The following PPP2R5C variants were observed in gnomAD, a reference collection of about 807,000 sequenced individuals.
PPP2R5C encodes protein phosphatase 2 regulatory subunit B'gamma.
PPP2R5C carries 7 observed loss-of-function variants against 68.9 expected under a neutral mutation model. That is an observed-to-expected ratio of 0.10 (90% CI 0.06 to 0.19). The LOEUF is 0.19. Ranked by LOEUF, PPP2R5C falls within the 10% of genes least tolerant of loss-of-function variation. PPP2R5C has a pLI of 1.00. For missense variants in PPP2R5C, 348 were observed against 641.3 expected (o/e 0.54, Z 4.94); for synonymous variants, 210 against 222.2 (o/e 0.95, Z 0.49).
intron 2 of PPP2R5C, among the ~76,000 whole-genome samples, chr14:101,880,679 C>G (rs892183037): frequency 6.6e-6 from 1 of 151,996 alleles, no homozygotes; most frequent in Non-Finnish European, 1.5e-5. Context: ...TGCTGGTAGT[C>G]CCAGCTACTT....
intron 2 of PPP2R5C, among the ~76,000 whole-genome samples, chr14:101,785,259 C>T (rs2038038571): frequency 6.6e-6 from 1 of 152,098 alleles, no homozygotes; most frequent in African/African-American, 2.4e-5. Context: ...GATACTCAGC[C>T]GTATTCATCT....
In PPP2R5C at chr14:101,918,322, C is replaced by T. The variant is rs539491949; in HGVS notation, c.1443+375C>T. 3.4e-3 allele frequency among the ~76,000 whole-genome samples: 512 copies of T among 151,320 alleles called. 10 individuals carry two copies. Among genetic ancestry groups the T allele is most frequent in the Non-Finnish European group, 1.9e-3 (129 of 67,750 alleles). On this transcript the variant is annotated intron_variant, in intron 13 of 13. Transcript: ENST00000334743. ...ACCCAGAGAGGCTCCCTTAGCTCTT[C>T]ACAGCGGGTGCTAACAACCCCTCTC...
intron 5 of PPP2R5C, among the ~76,000 whole-genome samples, chr14:101,885,361 C>T (rs1030808466): frequency 6.6e-6 from 1 of 151,598 alleles, no homozygotes; most frequent in African/African-American, 2.4e-5. Context: ...GAGCACCCTG[C>T]CTTTCCGTCT....
chr14:101,794,255 C>G (rs1225184568), intron 3 of PPP2R5C, among the ~76,000 whole-genome samples: 1 of 152,184 alleles, frequency 6.6e-6, no homozygotes, highest in African/African-American at 2.4e-5. Context: ...CTGTCTTACA[C>G]TGAAAATGTT....
rs2041003775 is a variant in PPP2R5C at position 101,835,144 on chromosome 14, T to A, written c.95-21542T>A. Among the ~76,000 whole-genome samples, 1 of 152,044 alleles carries A rather than the reference T, an allele frequency of 6.6e-6. No homozygotes were observed. The highest frequency in any genetic ancestry group is 6.5e-5 in the Admixed American group (1 of 15,268). On this transcript the variant is annotated intron_variant, in intron 1 of 13. Transcript: ENST00000334743. The surrounding 1 kb of genome is among the most constrained non-coding windows in gnomAD (Gnocchi z 5.0). ...GACTGTCCAGCAACCCCAGAATTGG[T>A]AGGCTGGACACTGGGCTGCTCCTCA... is the stretch of plus-strand genomic sequence containing the variant.
In PPP2R5C at chr14:101,906,363, G is replaced by C. The variant is rs2046021881; in HGVS notation, c.1024-39G>C. ...GCAAGGACAGCCACCTGATGTCTCA[G>C]GCACAACCTCCAGCAAGCCATCCAC... On this transcript the variant is annotated intron_variant, in intron 9 of 13. Coordinates refer to ENST00000334743, the Ensembl canonical transcript of PPP2R5C. The surrounding 1 kb of genome is among the most constrained non-coding windows in gnomAD (Gnocchi z 4.0). 1 of 1,553,408 alleles carries C rather than the reference G, an allele frequency of 6.4e-7. No individual in the cohort carries two copies. The highest frequency in any genetic ancestry group is 8.7e-7 in the Non-Finnish European group (1 of 1,151,274).
intron 2 of PPP2R5C, among the ~76,000 whole-genome samples, chr14:101,764,028 T>C (rs61993982): frequency 1.3e-3 from 176 of 137,602 alleles, no homozygotes; most frequent in African/African-American, 4.6e-3. Flanking sequence ...TGTGTGTGTG[T>C]GGGCGCGCGC....
At chr14:101,775,068 A>G (rs978869133) in intron 2 of PPP2R5C, among the ~76,000 whole-genome samples, 7 of 152,236 alleles carry the variant, frequency 4.6e-5, no homozygotes, top group Admixed American at 1.3e-4. Context: ...AATCGGGTTC[A>G]GCACTTGGAG....
At chr14:101,920,569 A>G (rs1363568050) in intron 13 of PPP2R5C, among the ~76,000 whole-genome samples, 1 of 152,194 alleles carries the variant, frequency 6.6e-6, no homozygotes, top group Non-Finnish European at 1.5e-5. Context: ...GACTCAGAAG[A>G]GTCATTGGGA....
intron 1 of PPP2R5C, among the ~76,000 whole-genome samples, chr14:101,827,389 G>A (rs951897563): frequency 6.6e-6 from 1 of 152,078 alleles, no homozygotes; most frequent in East Asian, 1.9e-4. Flanking sequence ...AGCATAAAAG[G>A]CCAAGTTAGG....
chr14:101,885,106 A>G (rs891667054), intron 5 of PPP2R5C, among the ~76,000 whole-genome samples: 2 of 152,208 alleles, frequency 1.3e-5, no homozygotes, highest in African/African-American at 2.4e-5. Context: ...AGATAAGAGC[A>G]TGAGCAGGTC....
At chr14:101,910,694 G>A (rs1390510215) in intron 11 of PPP2R5C, among the ~76,000 whole-genome samples, 2 of 151,998 alleles carry the variant, frequency 1.3e-5, no homozygotes, top group Admixed American at 1.3e-4. Context: ...AGGGCCAGGC[G>A]TGGTGGCTCA....
chr14:101,846,146 T>C (rs1208998315), intron 1 of PPP2R5C, among the ~76,000 whole-genome samples: 3 of 152,160 alleles, frequency 2.0e-5, no homozygotes, highest in African/African-American at 7.2e-5. Flanking sequence ...AGTGGGCACA[T>C]TGAAGCCAGC....
chr14:101,798,523 C>A (rs1356692564), intron 3 of PPP2R5C, among the ~76,000 whole-genome samples: 1 of 152,174 alleles, frequency 6.6e-6, no homozygotes, highest in Admixed American at 6.5e-5. Context: ...TCTCAGCTAC[C>A]CACTAGGCTG....
At chr14:101,903,015 G>GTTT (rs72219666) in intron 9 of PPP2R5C, among the ~76,000 whole-genome samples, 3 of 130,726 alleles carry the variant, frequency 2.3e-5, no homozygotes, top group Non-Finnish European at 3.3e-5. Context: ...TATGTTTTGG[G>GTTT]TTTTTTTTTT....
In PPP2R5C at chr14:101,917,186, CTG is replaced by C. The variant is rs1443381454; in HGVS notation, c.1327-641_1327-640del. ...GCCCAGTGACTGAGGGCTGAGCCAT[CTG>C]TGTTTCAATCCAGAGCACAGGGAGA... On this transcript the variant is annotated intron_variant, in intron 12 of 13. Transcript: ENST00000334743. The surrounding 1 kb of genome is among the most constrained non-coding windows in gnomAD (Gnocchi z 4.4). Among the ~76,000 whole-genome samples, 2 of 152,142 alleles carry C rather than the reference CTG, an allele frequency of 1.3e-5. No homozygotes were observed. Among genetic ancestry groups the C allele is most frequent in the Non-Finnish European group, 2.9e-5 (2 of 68,028 alleles).
At chr14:101,776,941 CGTG>C (rs2037454104) in intron 2 of PPP2R5C, among the ~76,000 whole-genome samples, 1 of 145,166 alleles carries the variant, frequency 6.9e-6, no homozygotes, top group African/African-American at 2.6e-5. Context: ...AGTGCAATGG[CGTG>C]ATCTCGGCTC....
chr14:101,832,336 C>T (rs1315374558), intron 1 of PPP2R5C, among the ~76,000 whole-genome samples: 2 of 152,172 alleles, frequency 1.3e-5, no homozygotes, highest in African/African-American at 4.8e-5. Context: ...TATTATTTTA[C>T]TTTAATAATT....
chr14:101,764,160 C>T (rs964595650), intron 2 of PPP2R5C, among the ~76,000 whole-genome samples: 4 of 152,188 alleles, frequency 2.6e-5, no homozygotes, highest in East Asian at 1.9e-4. Context: ...TCCTTCACAC[C>T]GTGAAGTGCC....
Sources: allele counts gnomAD v4.1 joint callset (sites outside exome capture counted in the v4.1 genomes callset), GRCh38; gene constraint gnomAD v4.1.1; non-coding constraint Gnocchi (gnomAD v3.1); transcripts MANE v1.5; gene names NCBI Gene and HGNC (gene_info 2026-07-23, HGNC 2026-07-21).